ATG101: variants seen among roughly 807,000 people sequenced by gnomAD.
ATG101 encodes the protein autophagy related 101.
ATG101 carries 6 observed loss-of-function variants against 16.7 expected under a neutral mutation model. That is an observed-to-expected ratio of 0.36 (90% confidence interval 0.20 to 0.71). The LOEUF is 0.71. Ranked by LOEUF, ATG101 falls within the 30% of genes least tolerant of loss-of-function variation. The pLI, the probability that ATG101 is intolerant of heterozygous loss-of-function variation, is 0.57. For synonymous variants in ATG101, 108 were observed against 118.1 expected, an observed-to-expected ratio of 0.91 and a Z score of 0.56; for missense variants, 200 against 292.5, an observed-to-expected ratio of 0.68 and a Z score of 2.31.
At chr12:52,071,312 G>A (rs1438742630) in intron 2 of ATG101, 3 of 152,288 alleles carry the variant, frequency 2.0e-5, no homozygotes, top group South Asian at 2.1e-4. Context: ...ATACTTAGAG[G>A]AGAGCTGCTA....
intron 3 of ATG101, among the ~76,000 whole-genome samples, 178 bp downstream of exon 3, chr12:52,074,080 C>T (rs1182876937): frequency 1.4e-5 from 2 of 138,078 alleles, no homozygotes; most frequent in African/African-American, 5.0e-5. Context: ...GGGGAGGGCG[C>T]GCGGGCGCGT....
intron 3 of ATG101, among the ~76,000 whole-genome samples, chr12:52,074,161 GT>G (rs1939697860): frequency 1.3e-5 from 2 of 152,266 alleles, no homozygotes; most frequent in South Asian, 4.1e-4. Flanking sequence ...AAGCTGAGCA[GT>G]GTTGGCGGCC....
chr12:52,073,189 C>G (rs1939677034), intron 2 of ATG101, among the ~76,000 whole-genome samples: 1 of 152,216 alleles, frequency 6.6e-6, no homozygotes, highest in Non-Finnish European at 1.5e-5. Context: ...AAATCAGACT[C>G]CAATCTTTCT....
chr12:52,074,048 A>G, intron 3 of ATG101, 146 bp downstream of exon 3: 1 of 1,240,676 alleles, frequency 8.1e-7, no homozygotes, highest in Non-Finnish European at 1.1e-6. Flanking sequence ...TGAGAAACAG[A>G]TGTGTTGAGA....
chr12:52,073,450 A>AGT (rs1288935265), intron 2 of ATG101, 125 bp from the exon 3 acceptor site: 1 of 612,280 alleles, frequency 1.6e-6, no homozygotes, highest in African/African-American at 1.8e-5. Context: ...ATTCGTTGAT[A>AGT]GTGTGTGCTG....
chr12:52,067,732 T>C (rs2120594234), upstream of ATG101, among the ~76,000 whole-genome samples: 1 of 151,288 alleles, frequency 6.6e-6, no homozygotes. Context: ...GCATTACAGG[T>C]GTGTGCCACC....
chr12:52,074,610 C>T (rs1341888369), intron 3 of ATG101, among the ~76,000 whole-genome samples: 1 of 151,842 alleles, frequency 6.6e-6, no homozygotes, highest in Admixed American at 6.6e-5. Context: ...CTGCAGCCTT[C>T]CAAGCAGCTG....
intron 2 of ATG101, among the ~76,000 whole-genome samples, chr12:52,073,314 C>A (rs1939679141): frequency 6.6e-6 from 1 of 152,218 alleles, no homozygotes; most frequent in Non-Finnish European, 1.5e-5. Flanking sequence ...ATGTCTAGTA[C>A]CTGACAAATG....
intron 2 of ATG101, among the ~76,000 whole-genome samples, chr12:52,072,324 A>C (rs1192112716): frequency 6.6e-6 from 1 of 152,206 alleles, no homozygotes; most frequent in African/African-American, 2.4e-5. Flanking sequence ...ATTCTACTGT[A>C]TTTTACATGT....
chr12:52,065,334 C>A (rs1939538566), upstream of ATG101, among the ~76,000 whole-genome samples: 1 of 152,212 alleles, frequency 6.6e-6, no homozygotes, highest in Non-Finnish European at 1.5e-5. Context: ...TCTGAGCTCC[C>A]AGAGGGCTAG....
chr12:52,073,798 G>A lies in ATG101; in HGVS notation c.148G>A (p.Val50Met), dbSNP rs140217886. ...KKEGTYSIGT[V>M]GTQDVDCDFI... ...GGAGGGCACCTACTCCATTGGCACC[G>A]TGGGCACCCAGGATGTTGACTGTGA... The change falls in exon 3 of 4, where the codon GTG becomes ATG. Residue 50 changes from valine to methionine, a missense_variant. Physicochemically the swap from Val to Met is conservative, Grantham distance 21. Transcript: ENST00000336854. 1.1e-5 allele frequency: 18 copies of A among 1,614,142 alleles called. No homozygotes were observed. The highest frequency in any genetic ancestry group is 4.0e-5 in the African/African-American group (3 of 74,950).
rs1210440705 is a variant in ATG101, at chr12:52,073,770, G to A, written c.120G>A (p.Lys40=). Residue 40 remains lysine (K), a synonymous_variant, in exon 3 of 4, where the codon AAG becomes AAA. Coordinates refer to ENST00000336854, the MANE Select transcript of ATG101 (RefSeq NM_021934.5). ...GCAGCACAGGCAAGTTCCACTACAAGAAGGAGGGCACCTACTCCATTGGCA... is the reference window on the plus strand; with the variant it reads ...GCAGCACAGGCAAGTTCCACTACAAAAAGGAGGGCACCTACTCCATTGGCA... ...LHRSTGKFHY[K]KEGTYSIGTV... 6.2e-7 allele frequency: 1 copy of A among 1,614,244 alleles called. No homozygotes were observed. The highest frequency in any genetic ancestry group is 8.5e-7 in the Non-Finnish European group (1 of 1,180,034).
intron 3 of ATG101, among the ~76,000 whole-genome samples, chr12:52,075,988 C>G (rs779479100): frequency 2.0e-5 from 3 of 151,928 alleles, no homozygotes; most frequent in Admixed American, 1.3e-4. Context: ...AACAATACCC[C>G]GTCTCTTAAC....
chr12:52,074,927 C>G (rs1939709451), intron 3 of ATG101, among the ~76,000 whole-genome samples: 1 of 152,144 alleles, frequency 6.6e-6, no homozygotes, highest in African/African-American at 2.4e-5. Context: ...CTACTGTACT[C>G]CAGCATGGGT....
chr12:52,068,188 A>G (rs556622993), upstream of ATG101, among the ~76,000 whole-genome samples: 6 of 150,080 alleles, frequency 4.0e-5, no homozygotes, highest in African/African-American at 1.5e-4. Context: ...CTGGGATTAC[A>G]GGTGCCTGAC....
chr12:52,074,193 T>G (rs1350012714), intron 3 of ATG101, among the ~76,000 whole-genome samples: 1 of 152,228 alleles, frequency 6.6e-6, no homozygotes, highest in African/African-American at 2.4e-5. Flanking sequence ...GGGCCATCCT[T>G]GCTTCTGTGG....
intron 3 of ATG101, among the ~76,000 whole-genome samples, chr12:52,075,206 C>T (rs186825295): frequency 1.2e-4 from 18 of 152,268 alleles, no homozygotes; most frequent in Admixed American, 9.2e-4. Flanking sequence ...CTCATTGTCC[C>T]GCCAAACCCA....
At chr12:52,073,197 T>C (rs1312045078) in intron 2 of ATG101, among the ~76,000 whole-genome samples, 1 of 152,244 alleles carries the variant, frequency 6.6e-6, no homozygotes, top group Non-Finnish European at 1.5e-5. Flanking sequence ...CTCCAATCTT[T>C]CTGTACTTCT....
At chr12:52,068,394 A>T (rs1939573621), upstream of ATG101, among the ~76,000 whole-genome samples, 1 of 149,086 alleles carries the variant, frequency 6.7e-6, no homozygotes, top group Non-Finnish European at 1.5e-5. Context: ...TTGTTTTGTC[A>T]TTCAGCCTGC....
Sources: allele counts gnomAD v4.1 joint callset (sites outside exome capture counted in the v4.1 genomes callset), GRCh38; gene constraint gnomAD v4.1.1; transcripts MANE v1.5; gene names NCBI Gene and HGNC (gene_info 2026-07-23, HGNC 2026-07-21).